HTRA1: variants seen among roughly 807,000 people sequenced by gnomAD.
HTRA1 encodes HtrA serine peptidase 1.
Under a neutral mutation model 49.7 loss-of-function variants are expected in HTRA1, and 26 were observed. That is an observed-to-expected ratio of 0.52 (90% CI 0.38 to 0.73). The LOEUF (loss-of-function observed/expected upper bound fraction) is 0.73. Ranked by LOEUF, HTRA1 falls within the 30% of genes least tolerant of loss-of-function variation. The pLI is 0.00. For synonymous variants in HTRA1, 291 were observed against 286.9 expected (o/e 1.01, Z -0.14); for missense variants, 561 against 667.2 (o/e 0.84, Z 1.75).
chr10:122,477,581 C>G (rs1411495704), intron 1 of HTRA1, among the ~76,000 whole-genome samples: 1 of 152,230 alleles, frequency 6.6e-6, no homozygotes, highest in Non-Finnish European at 1.5e-5. Flanking sequence ...TGACACTGCA[C>G]TGGAGGCCTG....
rs139438875 is a variant in HTRA1, at chr10:122,495,402, C to T, written c.777+5776C>T. ...TTGATTTTTACCATTTTTAGGGGGA[C>T]GGGAATCAATATTTCATGAGGGAAT... On this transcript the variant is annotated intron_variant, in intron 3 of 8. Coordinates refer to ENST00000368984, the MANE Select transcript of HTRA1 (RefSeq NM_002775.5). Among the ~76,000 whole-genome samples, 400 of 152,102 alleles carry T rather than the reference C, an allele frequency of 2.6e-3. 4 individuals are homozygous for T. The highest frequency in any genetic ancestry group is 8.9e-3 in the African/African-American group (369 of 41,488).
intron 1 of HTRA1, among the ~76,000 whole-genome samples, chr10:122,467,490 T>A (rs2097484246): frequency 6.6e-6 from 1 of 152,192 alleles, no homozygotes; most frequent in African/African-American, 2.4e-5. Flanking sequence ...CTGGGGAGGC[T>A]TCCTTATGAG....
intron 1 of HTRA1, among the ~76,000 whole-genome samples, chr10:122,476,294 G>C (rs1443441635): frequency 1.3e-5 from 2 of 152,144 alleles, no homozygotes; most frequent in African/African-American, 4.8e-5. Context: ...CTCAAATTCA[G>C]CGAGAAACCT....
rs2097497934 is a variant in HTRA1 at position 122,494,950 on chromosome 10, T to G, written c.777+5324T>G. 6.6e-6 allele frequency among the ~76,000 whole-genome samples: 1 copy of G among 152,106 alleles called. No individual in the cohort carries two copies. The highest frequency in any genetic ancestry group is 3.2e-3 in the Middle Eastern group (1 of 316). ...CATGGTGAATCTTCCCTGAGTCAGCTGAGTGAGGGGGTTCAGGCAGCCCCC... is the reference window on the plus strand; with the variant it reads ...CATGGTGAATCTTCCCTGAGTCAGCGGAGTGAGGGGGTTCAGGCAGCCCCC... On this transcript the variant is annotated intron_variant, in intron 3 of 8. Transcript: ENST00000368984. The surrounding 1 kb of genome is among the most constrained non-coding windows in gnomAD (Gnocchi z 4.0).
At chr10:122,469,495 C>T (rs1254502870) in intron 1 of HTRA1, among the ~76,000 whole-genome samples, 1 of 152,186 alleles carries the variant, frequency 6.6e-6, no homozygotes, top group Non-Finnish European at 1.5e-5. Context: ...TTTTCTGTGG[C>T]ACAGAGTGAG....
chr10:122,474,625 G>A (rs547784470), intron 1 of HTRA1, among the ~76,000 whole-genome samples: 1 of 152,318 alleles, frequency 6.6e-6, no homozygotes, highest in South Asian at 2.1e-4. Flanking sequence ...ACCCAGCTGA[G>A]AAATCTGCGA....
intron 3 of HTRA1, among the ~76,000 whole-genome samples, chr10:122,493,503 GT>G (rs538167908): frequency 7.9e-5 from 12 of 151,600 alleles, no homozygotes; most frequent in South Asian, 2.1e-4. Flanking sequence ...TCCCTGCGGG[GT>G]TTTTTTTTCC....
intron 3 of HTRA1, among the ~76,000 whole-genome samples, chr10:122,505,060 T>A (rs368015724): frequency 6.6e-6 from 1 of 152,240 alleles, no homozygotes; most frequent in African/African-American, 2.4e-5. Flanking sequence ...TAGATGGTGC[T>A]TACAGGAGCC....
chr10:122,514,189 A>T lies in HTRA1; in HGVS notation c.1275-2A>T. 1 of 1,613,628 alleles carries T rather than the reference A, an allele frequency of 6.2e-7. No individual in the cohort carries two copies. The highest frequency in any genetic ancestry group is 8.5e-7 in the Non-Finnish European group (1 of 1,179,808). On this transcript the variant is annotated splice_acceptor_variant, in intron 8 of 8. Coordinates refer to ENST00000368984, the MANE Select transcript of HTRA1 (RefSeq NM_002775.5). LOFTEE classifies it high-confidence loss of function. ...GCCATTGTGTTTCCCTTTGTGTTGC[A>T]GTGGTGGTCTCAAGGAAAACGACGT...
chr10:122,477,106 C>T lies in HTRA1; in HGVS notation c.473-11796C>T, dbSNP rs1050682307. 2.0e-4 allele frequency among the ~76,000 whole-genome samples: 30 copies of T among 151,756 alleles called. 1 individual carries two copies. The highest frequency in any genetic ancestry group is 1.3e-3 in the South Asian group (6 of 4,790). On this transcript the variant is annotated intron_variant, in intron 1 of 8. Coordinates refer to ENST00000368984, the MANE Select transcript of HTRA1 (RefSeq NM_002775.5). ...CCTCAGCCTCCCGAGTAGCTGGGACCACAGGTGCCTGCCACCATGCCTGGC... is the reference window on the plus strand; with the variant it reads ...CCTCAGCCTCCCGAGTAGCTGGGACTACAGGTGCCTGCCACCATGCCTGGC...
chr10:122,493,443 A>G lies in HTRA1; in HGVS notation c.777+3817A>G, dbSNP rs369843002. On this transcript the variant is annotated intron_variant, in intron 3 of 8. Coordinates refer to ENST00000368984, the MANE Select transcript of HTRA1 (RefSeq NM_002775.5). ...TTTCCAAATGCGTTTAACATGAGCCACTGGCTGTGCGCAGCATATGTCAAG... is the reference window on the plus strand; with the variant it reads ...TTTCCAAATGCGTTTAACATGAGCCGCTGGCTGTGCGCAGCATATGTCAAG... Among the ~76,000 whole-genome samples the G allele has an allele frequency of 4.6e-5, 7 of 152,230 alleles. No individual in the cohort carries two copies. The East Asian group carries it at 5.8e-4, about 13-fold the overall frequency.
At chr10:122,513,020 G>A (rs1440463512) in intron 8 of HTRA1, among the ~76,000 whole-genome samples, 2 of 152,192 alleles carry the variant, frequency 1.3e-5, no homozygotes, top group Admixed American at 6.5e-5. Flanking sequence ...AAATTTCAGT[G>A]TCCACTGTAA....
chr10:122,496,612 A>G (rs2097498868), intron 3 of HTRA1, among the ~76,000 whole-genome samples: 1 of 152,132 alleles, frequency 6.6e-6, no homozygotes. Flanking sequence ...CAAACAAGTG[A>G]AGGGGTAGAA....
chr10:122,480,861 A>G (rs1338932412), intron 1 of HTRA1, among the ~76,000 whole-genome samples: 2 of 152,196 alleles, frequency 1.3e-5, no homozygotes, highest in African/African-American at 4.8e-5. Flanking sequence ...ACTATTATTG[A>G]TATAGATTGA....
chr10:122,499,551 C>T (rs1054328561), intron 3 of HTRA1, among the ~76,000 whole-genome samples: 1 of 152,134 alleles, frequency 6.6e-6, no homozygotes, highest in African/African-American at 2.4e-5. Context: ...AGTCCGCTGA[C>T]CCGCCCTTTT....
chr10:122,514,100 A>G (rs2097506860), intron 8 of HTRA1, 91 bp from the exon 9 acceptor site: 1 of 1,279,290 alleles, frequency 7.8e-7, no homozygotes, highest in African/African-American at 1.5e-5. Flanking sequence ...CTGGGCTTTT[A>G]GGTTCTAAGC....
chr10:122,478,575 G>A (rs1167895998), intron 1 of HTRA1, among the ~76,000 whole-genome samples: 3 of 151,968 alleles, frequency 2.0e-5, no homozygotes, highest in African/African-American at 4.8e-5. Flanking sequence ...TGTATTTTTA[G>A]TAGAGACAGG....
At chr10:122,474,471 T>C (rs1390344343) in intron 1 of HTRA1, among the ~76,000 whole-genome samples, 1 of 152,118 alleles carries the variant, frequency 6.6e-6, no homozygotes, top group East Asian at 1.9e-4. Context: ...CCTCAGGCCC[T>C]CCTCCTGCAC....
intron 1 of HTRA1, among the ~76,000 whole-genome samples, chr10:122,462,870 CCT>C (rs2097482149): frequency 6.6e-6 from 1 of 152,224 alleles, no homozygotes; most frequent in African/African-American, 2.4e-5. Context: ...GAAGTCTACC[CCT>C]CTGTTCCTAC....
Sources: allele counts gnomAD v4.1 joint callset (sites outside exome capture counted in the v4.1 genomes callset), GRCh38; gene constraint gnomAD v4.1.1; non-coding constraint Gnocchi (gnomAD v3.1); transcripts MANE v1.5; gene names NCBI Gene and HGNC (gene_info 2026-07-23, HGNC 2026-07-21).